Variants in KCNQ5 observed in about 807,000 individuals in gnomAD.
KCNQ5 encodes potassium voltage-gated channel subfamily KQT member 5.
Under a neutral mutation model 98.2 loss-of-function variants are expected in KCNQ5, and 30 were observed. The observed-to-expected ratio is 0.31, with a 90% confidence interval of 0.23 to 0.41. The LOEUF is 0.41. Ranked by LOEUF, KCNQ5 falls within the 10% of genes least tolerant of loss-of-function variation. The pLI is 1.00. For missense variants in KCNQ5, 835 were observed against 1,182.5 expected, an observed-to-expected ratio of 0.71 and a Z score of 4.31; for synonymous variants, 458 against 449.4, an observed-to-expected ratio of 1.02 and a Z score of -0.24.
At position 73,003,995 on chromosome 6, in the gene KCNQ5, C is replaced by A. The variant is rs749600978; in HGVS notation, c.486C>A (p.Ile162=). 1.9e-6 allele frequency: 3 copies of A among 1,579,828 alleles called. No homozygotes were observed. Among genetic ancestry groups the A allele is most frequent in the African/African-American group, 2.7e-5 (2 of 74,118 alleles). The change falls in exon 2 of 14, where the codon ATC becomes ATA. Residue 162 remains isoleucine, a synonymous_variant. Transcript: ENST00000370398. Reference sequence around the variant, plus strand: ...AATTGGCCTCAAGTTGCCTCTTGATCCTGGTAAGTGAAACATGAACAAGAA... The same window carrying A: ...AATTGGCCTCAAGTTGCCTCTTGATACTGGTAAGTGAAACATGAACAAGAA... The part of the protein sequence containing the change: ...HTKLASSCLL[I]LEFVMIVVFG...
chr6:72,647,805 C>T (rs757073442), intron 1 of KCNQ5, among the ~76,000 whole-genome samples: 1 of 152,112 alleles, frequency 6.6e-6, no homozygotes, highest in African/African-American at 2.4e-5. Flanking sequence ...ACAGTATTGA[C>T]GATAAGCATG....
chr6:73,112,298 G>A lies in KCNQ5; in HGVS notation c.1125+895G>A, dbSNP rs544593574. On this transcript the variant is annotated intron_variant, in intron 7 of 13. Coordinates refer to ENST00000370398, the MANE Select transcript of KCNQ5 (RefSeq NM_019842.4). ...AAACTTGCCTTAAAGCTGCAGTAAC[G>A]GGCACACTGTTTTGTTGCTGTTGTT... is the stretch of plus-strand genomic sequence containing the variant. 4.6e-5 allele frequency among the ~76,000 whole-genome samples: 7 copies of A among 152,092 alleles called. No homozygotes were observed. In the South Asian group the frequency reaches 1.5e-3, roughly 32 times the overall value.
intron 1 of KCNQ5, among the ~76,000 whole-genome samples, chr6:72,803,810 A>G (rs921460053): frequency 6.6e-6 from 1 of 152,112 alleles, no homozygotes. Flanking sequence ...ATATTCCCCT[A>G]AGATAGGTTC....
chr6:73,085,436 C>T (rs1773946803), intron 5 of KCNQ5, among the ~76,000 whole-genome samples: 1 of 152,280 alleles, frequency 6.6e-6, no homozygotes, highest in South Asian at 2.1e-4. Context: ...AAGCTGCCAA[C>T]AAAAGGCCCC....
intron 1 of KCNQ5, among the ~76,000 whole-genome samples, chr6:72,655,811 G>A (rs1253923377): frequency 6.6e-6 from 1 of 152,112 alleles, no homozygotes; most frequent in Non-Finnish European, 1.5e-5. Flanking sequence ...AGACTGATTT[G>A]ACACCAATGC....
At chr6:72,645,676 G>A (rs1284959538) in intron 1 of KCNQ5, among the ~76,000 whole-genome samples, 1 of 152,024 alleles carries the variant, frequency 6.6e-6, no homozygotes, top group Non-Finnish European at 1.5e-5. Flanking sequence ...TTTGCGCTGG[G>A]CCCACTCAGA....
intron 1 of KCNQ5, among the ~76,000 whole-genome samples, chr6:72,755,395 T>A (rs1422176265): frequency 6.6e-6 from 1 of 152,106 alleles, no homozygotes; most frequent in Non-Finnish European, 1.5e-5. Context: ...TGTTTACTAT[T>A]GATGTAATAT....
chr6:73,178,033 T>TA (rs1778279070), intron 11 of KCNQ5, among the ~76,000 whole-genome samples: 1 of 152,198 alleles, frequency 6.6e-6, no homozygotes, highest in Non-Finnish European at 1.5e-5. Context: ...AATCTCCTAT[T>TA]CCATGTTAAA....
At chr6:72,625,000 C>T (rs1488235648) in intron 1 of KCNQ5, among the ~76,000 whole-genome samples, 1 of 152,204 alleles carries the variant, frequency 6.6e-6, no homozygotes, top group Non-Finnish European at 1.5e-5. Flanking sequence ...AACTAATTCC[C>T]TGCCAGCTTG....
At chr6:72,680,675 T>A (rs887887475) in intron 1 of KCNQ5, among the ~76,000 whole-genome samples, 1 of 152,212 alleles carries the variant, frequency 6.6e-6, no homozygotes, top group African/African-American at 2.4e-5. Context: ...TTGCTTCTCA[T>A]TACTTTGCCT....
chr6:72,709,009 T>A (rs923693004), intron 1 of KCNQ5, among the ~76,000 whole-genome samples: 4 of 152,178 alleles, frequency 2.6e-5, no homozygotes, highest in African/African-American at 9.7e-5. Flanking sequence ...TTAAGTTACT[T>A]CTACTTTTTG....
chr6:73,092,347 T>G (rs143733838), intron 5 of KCNQ5, among the ~76,000 whole-genome samples: 1 of 152,260 alleles, frequency 6.6e-6, no homozygotes, highest in East Asian at 1.9e-4. Flanking sequence ...GACTTCCTCT[T>G]TAATGAGTTG....
At chr6:72,717,875 A>C (rs1440596680) in intron 1 of KCNQ5, among the ~76,000 whole-genome samples, 4 of 152,112 alleles carry the variant, frequency 2.6e-5, no homozygotes, top group Admixed American at 2.6e-4. Flanking sequence ...TTTATTAAGG[A>C]CCATTTGTTT....
At chr6:72,885,975 T>C (rs753938850) in intron 1 of KCNQ5, among the ~76,000 whole-genome samples, 1 of 152,186 alleles carries the variant, frequency 6.6e-6, no homozygotes, top group Non-Finnish European at 1.5e-5. Flanking sequence ...TATCTGTGTG[T>C]TCCCCCAAAC....
intron 5 of KCNQ5, among the ~76,000 whole-genome samples, chr6:73,094,031 C>T (rs1238835601): frequency 1.3e-5 from 2 of 152,064 alleles, no homozygotes; most frequent in African/African-American, 4.8e-5. Context: ...TATTATGTTG[C>T]CACCTGTCTC....
chr6:72,673,492 A>C (rs1297130794), intron 1 of KCNQ5, among the ~76,000 whole-genome samples: 2 of 152,128 alleles, frequency 1.3e-5, no homozygotes, highest in Non-Finnish European at 2.9e-5. Flanking sequence ...TTTTCATTTA[A>C]AGTGATTGAG....
chr6:72,856,471 T>C (rs6920608), intron 1 of KCNQ5, among the ~76,000 whole-genome samples: 2,868 of 149,006 alleles, frequency 0.019, 65 homozygotes, highest in East Asian at 0.052. Context: ...CACACATATA[T>C]ACACACACAC....
At chr6:73,055,314 A>T in intron 3 of KCNQ5, 1 of 1,410,764 alleles carries the variant, frequency 7.1e-7, no homozygotes, top group South Asian at 1.2e-5. Context: ...GCCATTGATC[A>T]GATGTAGCTG....
intron 3 of KCNQ5, among the ~76,000 whole-genome samples, chr6:73,064,295 G>A (rs184173928): frequency 6.6e-6 from 1 of 152,236 alleles, no homozygotes; most frequent in Admixed American, 6.5e-5. Flanking sequence ...GTTTCAGAGG[G>A]TCCATATCAT....
Sources: gnomAD v4.1 joint callset for allele counts (sites outside exome capture counted in the v4.1 genomes callset) on GRCh38, gnomAD v4.1.1 for gene constraint, MANE v1.5 for transcripts, NCBI Gene and HGNC (gene_info 2026-07-23, HGNC 2026-07-21) for gene names.